TNFRSF10D: variants seen among roughly 807,000 people sequenced by gnomAD.
TNFRSF10D encodes tumor necrosis factor receptor superfamily member 10D.
A neutral mutation model predicts 42.1 loss-of-function variants in TNFRSF10D; 28 were observed. The ratio of observed to expected loss-of-function variants is 0.66; its 90% confidence interval spans 0.49 to 0.91. TNFRSF10D has a LOEUF of 0.91. Ranked by LOEUF, TNFRSF10D falls within the 40% of genes least tolerant of loss-of-function variation. TNFRSF10D has a pLI of 0.00. For synonymous variants in TNFRSF10D, 186 were observed against 189.4 expected (o/e 0.98, Z 0.15); for missense variants, 503 against 486.1 (o/e 1.03, Z -0.33).
At chr8:23,146,520 G>A (rs1407399094) in intron 4 of TNFRSF10D, among the ~76,000 whole-genome samples, 4 of 151,968 alleles carry the variant, frequency 2.6e-5, no homozygotes, top group Admixed American at 6.6e-5. Context: ...TGTGGGCTAC[G>A]GACACTTTTG....
At chr8:23,160,394 C>T (rs1800350552) in intron 1 of TNFRSF10D, among the ~76,000 whole-genome samples, 1 of 152,174 alleles carries the variant, frequency 6.6e-6, no homozygotes, top group Non-Finnish European at 1.5e-5. Flanking sequence ...CATAGGAGCT[C>T]CCAGAGGCCA....
intron 1 of TNFRSF10D, among the ~76,000 whole-genome samples, chr8:23,162,453 G>T (rs1217043267): frequency 1.3e-5 from 2 of 152,168 alleles, no homozygotes; most frequent in Non-Finnish European, 1.5e-5. Flanking sequence ...GTATTACTTC[G>T]TTGAAAGAAA....
At chr8:23,138,477 G>A (rs1814381769) in intron 7 of TNFRSF10D, among the ~76,000 whole-genome samples, 1 of 152,162 alleles carries the variant, frequency 6.6e-6, no homozygotes, top group African/African-American at 2.4e-5. Context: ...CTTTGTAAGT[G>A]TTCTGACCAA....
At chr8:23,149,324 A>G (rs1207204083) in intron 2 of TNFRSF10D, among the ~76,000 whole-genome samples, 5 of 150,556 alleles carry the variant, frequency 3.3e-5, no homozygotes, top group African/African-American at 1.2e-4. Flanking sequence ...TGCAACCTCC[A>G]CCTCCCAGGT....
Position 23,137,575 on chromosome 8 carries a change from G to A in TNFRSF10D, c.*295C>T, listed in dbSNP as rs1563352882. ...CTGCCTCAGCCTATCAAAGTGCTGGGATTACAGGCATGAGCCACCGCATGT... is the reference window on the plus strand; with the variant it reads ...CTGCCTCAGCCTATCAAAGTGCTGGAATTACAGGCATGAGCCACCGCATGT... On this transcript the variant is annotated 3_prime_UTR_variant, in exon 9 of 9. Transcript: ENST00000312584. 4.2e-6 allele frequency: 1 copy of A among 235,684 alleles called. No homozygotes were observed. Among genetic ancestry groups the A allele is most frequent in the East Asian group, 9.4e-5 (1 of 10,584 alleles). The allele number at this position is 235,684 out of a possible 1,614,324, so 14.6% of individuals were successfully genotyped here.
At chr8:23,160,275 G>C (rs1203806874) in intron 1 of TNFRSF10D, among the ~76,000 whole-genome samples, 1 of 152,166 alleles carries the variant, frequency 6.6e-6, no homozygotes, top group Non-Finnish European at 1.5e-5. Flanking sequence ...TTCCCCCCAA[G>C]CCCATGAGGT....
Position 23,149,222 on chromosome 8 carries a change from A to G in TNFRSF10D, c.257-671T>C, listed in dbSNP as rs1689088561. ...AAAAAAAAAAAGAAAAGAAAAGAAAAGAAATATTTTATCTTTTTTAAAATT... is the reference window on the plus strand; with the variant it reads ...AAAAAAAAAAAGAAAAGAAAAGAAAGGAAATATTTTATCTTTTTTAAAATT... On this transcript the variant is annotated intron_variant, in intron 2 of 8. Transcript: ENST00000312584. 2.0e-5 allele frequency among the ~76,000 whole-genome samples: 3 copies of G among 150,542 alleles called. No individual in the cohort carries two copies. In the South Asian group the frequency reaches 6.3e-4, roughly 31 times the overall value.
intron 7 of TNFRSF10D, among the ~76,000 whole-genome samples, chr8:23,140,952 G>A (rs1027884888): frequency 7.2e-5 from 11 of 152,118 alleles, no homozygotes; most frequent in Non-Finnish European, 1.5e-4. Context: ...TGATGCTTCG[G>A]ATATTTGGCT....
chr8:23,139,720 A>G (rs988606507), intron 7 of TNFRSF10D, among the ~76,000 whole-genome samples: 7 of 152,214 alleles, frequency 4.6e-5, no homozygotes, highest in African/African-American at 1.7e-4. Context: ...GCATCCAGAT[A>G]TGAAATGAAG....
At position 23,136,839 on chromosome 8, in the gene TNFRSF10D, T is replaced by C. The variant is rs1585255746; in HGVS notation, c.*1031A>G. 1 of 151,890 alleles carries C rather than the reference T, an allele frequency of 6.6e-6. No homozygotes were observed. Among genetic ancestry groups the C allele is most frequent in the African/African-American group, 2.4e-5 (1 of 41,368 alleles). The allele number at this position is 151,890 out of a possible 1,614,324, so 9.4% of individuals were successfully genotyped here. On this transcript the variant is annotated 3_prime_UTR_variant, in exon 9 of 9. Coordinates refer to ENST00000312584, the MANE Select transcript of TNFRSF10D (RefSeq NM_003840.5). The stretch of plus-strand genomic sequence containing the variant: ...TAAATATGGCTATATACCTCTAAAA[T>C]TAACAAGTAAGACAAGCTGCCCCTT...
At chr8:23,160,538 C>T (rs184814517) in intron 1 of TNFRSF10D, among the ~76,000 whole-genome samples, 733 of 151,906 alleles carry the variant, frequency 4.8e-3, no homozygotes, top group African/African-American at 0.015. Flanking sequence ...ATTTTGCCAC[C>T]TGTAAAACAG....
At chr8:23,154,132 C>T (rs1800243623) in intron 2 of TNFRSF10D, among the ~76,000 whole-genome samples, 1 of 152,186 alleles carries the variant, frequency 6.6e-6, no homozygotes, top group Non-Finnish European at 1.5e-5. Flanking sequence ...GAGACAAACA[C>T]CTCATGATCT....
At chr8:23,148,656 G>C (rs1029455835) in intron 2 of TNFRSF10D, 105 bp from the exon 3 acceptor site, 10 of 774,370 alleles carry the variant, frequency 1.3e-5, no homozygotes, top group Non-Finnish European at 1.9e-5. Context: ...TCCAGACAGA[G>C]AAATCTGCTC....
Position 23,148,246 on chromosome 8 carries a change from T to A in TNFRSF10D, c.370+192A>T, listed in dbSNP as rs561157004. Reference sequence around the variant, plus strand: ...AAGAGTGAAACTGTCTTCAAAAAAATAAATAAATAAAAGAAAAGAAAAAAA... The same window carrying A: ...AAGAGTGAAACTGTCTTCAAAAAAAAAAATAAATAAAAGAAAAGAAAAAAA... On this transcript the variant is annotated intron_variant, in intron 3 of 8. Transcript: ENST00000312584. Among the ~76,000 whole-genome samples, 82 of 148,862 alleles carry A rather than the reference T, an allele frequency of 5.5e-4. No individual in the cohort carries two copies. In the South Asian group the frequency reaches 0.014, roughly 25 times the overall value.
intron 4 of TNFRSF10D, 92 bp from the exon 5 acceptor site, chr8:23,146,013 T>C: frequency 1.3e-6 from 2 of 1,571,022 alleles, no homozygotes; most frequent in South Asian, 1.1e-5. Flanking sequence ...CCAAAGTCCC[T>C]GAGAAGGCGT....
At chr8:23,143,396 A>G (rs956419326) in intron 7 of TNFRSF10D, among the ~76,000 whole-genome samples, 4 of 152,142 alleles carry the variant, frequency 2.6e-5, no homozygotes, top group African/African-American at 9.6e-5. Flanking sequence ...TGGGAGGCCA[A>G]GGTGAGAGGA....
chr8:23,151,111 T>A (rs1245068669), intron 2 of TNFRSF10D, among the ~76,000 whole-genome samples: 649 of 151,508 alleles, frequency 4.3e-3, no homozygotes, highest in African/African-American at 0.014. Flanking sequence ...AAGACACATC[T>A]TAAACAAATT....
At chr8:23,141,675 CT>C (rs2128835863) in intron 7 of TNFRSF10D, among the ~76,000 whole-genome samples, 1 of 151,760 alleles carries the variant, frequency 6.6e-6, no homozygotes, top group Admixed American at 6.6e-5. Flanking sequence ...ACACACATGT[CT>C]CAAAAGAAGA....
Position 23,148,487 on chromosome 8 carries a change from A to C in TNFRSF10D, c.321T>G (p.Ile107Met). ...NPCTEGVDYT[I>M]ASNNLPSCLL... ...GGCAAGAAGGCAAATTGTTGGAAGC[A>C]ATGGTGTAATCCACACCCTCTGTGC... Residue 107 changes from isoleucine to methionine, a missense_variant, in exon 3 of 9, where the codon ATT (isoleucine) becomes ATG (methionine). By Grantham distance (10) the Ile-to-Met change is conservative (BLOSUM62 1). Transcript: ENST00000312584. 6.2e-7 allele frequency: 1 copy of C among 1,611,180 alleles called. No homozygotes were observed.
Sources: allele counts gnomAD v4.1 joint callset (sites outside exome capture counted in the v4.1 genomes callset), GRCh38; gene constraint gnomAD v4.1.1; transcripts MANE v1.5; gene names NCBI Gene and HGNC (gene_info 2026-07-23, HGNC 2026-07-21).